The following ZRANB3 variants were observed in gnomAD, a reference collection of about 807,000 sequenced individuals.
The protein encoded by ZRANB3 is DNA annealing helicase and endonuclease ZRANB3.
Under a neutral mutation model 133.8 loss-of-function variants are expected in ZRANB3, and 125 were observed. That is an observed-to-expected ratio of 0.93 (90% CI 0.81 to 1.08). The LOEUF (loss-of-function observed/expected upper bound fraction) is 1.08, where lower values mean the gene tolerates loss of function less well. Among genes scored for constraint, ZRANB3 ranks in the 50% least tolerant of loss-of-function variants. The pLI is 0.00. For synonymous variants in ZRANB3, 387 were observed against 432.7 expected, an observed-to-expected ratio of 0.89 and a Z score of 1.31; for missense variants, 1,229 against 1,275.5, an observed-to-expected ratio of 0.96 and a Z score of 0.56.
intron 2 of ZRANB3, among the ~76,000 whole-genome samples, chr2:135,475,818 C>G (rs978858420): frequency 2.0e-5 from 3 of 152,142 alleles, no homozygotes; most frequent in African/African-American, 7.2e-5. Context: ...TGGCTCACAC[C>G]TGTAATCCCA....
chr2:135,362,774 C>T (rs180953958), intron 3 of ZRANB3, among the ~76,000 whole-genome samples: 1 of 152,128 alleles, frequency 6.6e-6, no homozygotes, highest in African/African-American at 2.4e-5. Context: ...CAGGTGCACA[C>T]CACTGTGCCC....
rs528703642 is a variant in ZRANB3, at chr2:135,470,413, C to T, written c.161+33916G>A. ...TTAAAAAACTGAAGCAGGCCAGGAG[C>T]GGTGGCTCACGCCTGTAATCCCAGT... On this transcript the variant is annotated intron_variant, in intron 2 of 20. Coordinates refer to ENST00000264159, the MANE Select transcript of ZRANB3 (RefSeq NM_032143.4). 5.3e-5 allele frequency among the ~76,000 whole-genome samples: 8 copies of T among 151,900 alleles called. No homozygotes were observed. In the East Asian group the frequency reaches 9.8e-4, roughly 19 times the overall value.
intron 2 of ZRANB3, among the ~76,000 whole-genome samples, chr2:135,467,839 C>G (rs1691066421): frequency 6.6e-6 from 1 of 152,132 alleles, no homozygotes; most frequent in Non-Finnish European, 1.5e-5. Context: ...TAAGCACTGG[C>G]TTGGAATCAA....
chr2:135,239,103 T>C (rs1260668083), intron 12 of ZRANB3, among the ~76,000 whole-genome samples: 1 of 152,182 alleles, frequency 6.6e-6, no homozygotes, highest in East Asian at 1.9e-4. Context: ...AGACAGACCC[T>C]GTAGATAATG....
intron 2 of ZRANB3, among the ~76,000 whole-genome samples, chr2:135,418,341 T>TC (rs1410469878): frequency 6.6e-6 from 1 of 152,216 alleles, no homozygotes; most frequent in Non-Finnish European, 1.5e-5. Context: ...AGAACCAATC[T>TC]CCTGCATATA....
chr2:135,207,325 T>C (rs1693910637), intron 19 of ZRANB3, 109 bp downstream of exon 19: 2 of 1,351,168 alleles, frequency 1.5e-6, no homozygotes, highest in Non-Finnish European at 2.0e-6. Flanking sequence ...ATTATTTTCT[T>C]TCCTTTTATA....
intron 6 of ZRANB3, among the ~76,000 whole-genome samples, chr2:135,327,771 T>C (rs1683909403): frequency 6.6e-6 from 1 of 152,126 alleles, no homozygotes; most frequent in Non-Finnish European, 1.5e-5. Context: ...CCTTGTAGGA[T>C]TGTTAAAGGA....
intron 2 of ZRANB3, among the ~76,000 whole-genome samples, chr2:135,416,990 C>G (rs1266474005): frequency 6.6e-6 from 1 of 152,062 alleles, no homozygotes; most frequent in African/African-American, 2.4e-5. Context: ...CACGTTAGAC[C>G]TAAAACCATA....
chr2:135,462,683 C>A (rs1435752672), intron 2 of ZRANB3, among the ~76,000 whole-genome samples: 1 of 151,828 alleles, frequency 6.6e-6, no homozygotes, highest in African/African-American at 2.4e-5. Flanking sequence ...ACCTCTGCCT[C>A]CCAGGTTCAA....
intron 8 of ZRANB3, among the ~76,000 whole-genome samples, chr2:135,284,211 C>T (rs1282599576): frequency 6.6e-6 from 1 of 152,090 alleles, no homozygotes; most frequent in East Asian, 1.9e-4. Flanking sequence ...GATAAAAGTA[C>T]CTACACCGCA....
rs568805586 is a variant in ZRANB3, at chr2:135,510,835, G to A, written c.-7-6339C>T. On this transcript the variant is annotated intron_variant, in intron 1 of 20. Transcript: ENST00000264159. ...GGTAATTTCCCACCACTGTTAATGT[G>A]CAACTCCACCACGTTCCCATAATTT... is the stretch of plus-strand genomic sequence containing the variant. 1.5e-4 allele frequency: 131 copies of A among 870,818 alleles called. No homozygotes were observed. The African/African-American group carries it at 1.6e-3, about 11-fold the overall frequency. The allele number at this position is 870,818 out of a possible 1,614,324, so 53.9% of individuals were successfully genotyped here.
chr2:135,476,532 GA>G (rs151018656), intron 2 of ZRANB3, among the ~76,000 whole-genome samples: 4,815 of 151,994 alleles, frequency 0.032, 246 homozygotes, highest in African/African-American at 0.11. Flanking sequence ...ATATACACTT[GA>G]AAATTCCTAT....
At chr2:135,379,546 T>C (rs1417328057) in intron 3 of ZRANB3, among the ~76,000 whole-genome samples, 1 of 152,174 alleles carries the variant, frequency 6.6e-6, no homozygotes, top group Non-Finnish European at 1.5e-5. Context: ...CAGAATTTCA[T>C]ATCCGGCCAA....
intron 3 of ZRANB3, among the ~76,000 whole-genome samples, chr2:135,379,308 G>A (rs920904199): frequency 1.3e-5 from 2 of 151,996 alleles, no homozygotes; most frequent in African/African-American, 2.4e-5. Flanking sequence ...CACTTTTAAT[G>A]CTATCACCTT....
intron 15 of ZRANB3, among the ~76,000 whole-genome samples, chr2:135,223,389 G>GA (rs1694632434): frequency 1.3e-5 from 2 of 149,126 alleles, no homozygotes; most frequent in East Asian, 4.1e-4. Context: ...GCAGTGGCGC[G>GA]ATCTTGGCTC....
At chr2:135,204,716 T>TA (rs1558826211) in intron 19 of ZRANB3, among the ~76,000 whole-genome samples, 1 of 145,146 alleles carries the variant, frequency 6.9e-6, no homozygotes, top group East Asian at 1.9e-4. Flanking sequence ...ATTATATGTT[T>TA]TATTATATAT....
At chr2:135,347,650 A>C (rs1259006702) in intron 5 of ZRANB3, among the ~76,000 whole-genome samples, 3 of 152,202 alleles carry the variant, frequency 2.0e-5, no homozygotes, top group African/African-American at 7.2e-5. Context: ...ATTTTAAGTA[A>C]CTCCTAAATT....
At chr2:135,331,695 T>C (rs1269845279) in intron 6 of ZRANB3, among the ~76,000 whole-genome samples, 2 of 152,200 alleles carry the variant, frequency 1.3e-5, no homozygotes, top group Admixed American at 6.6e-5. Context: ...GGTCTCTTTG[T>C]AGCTCTCTAA....
At chr2:135,422,534 G>A (rs2104971157) in intron 2 of ZRANB3, among the ~76,000 whole-genome samples, 1 of 152,054 alleles carries the variant, frequency 6.6e-6, no homozygotes, top group East Asian at 1.9e-4. Flanking sequence ...AGGACAGAAG[G>A]AGAAAAAAGC....
Sources: allele counts gnomAD v4.1 joint callset (sites outside exome capture counted in the v4.1 genomes callset), GRCh38; gene constraint gnomAD v4.1.1; transcripts MANE v1.5; gene names NCBI Gene and HGNC (gene_info 2026-07-23, HGNC 2026-07-21).